ST8SIA6: variants seen among roughly 807,000 people sequenced by gnomAD.
The protein encoded by ST8SIA6 is ST8 alpha-N-acetyl-neuraminide alpha-2,8-sialyltransferase 6, also known as alpha-2,8-sialyltransferase 8F.
In ST8SIA6, 39 loss-of-function variants were observed where a neutral mutation model predicts 33.6. That is an observed-to-expected ratio of 1.16 (90% CI 0.90 to 1.52). The LOEUF is 1.52. Ranked by LOEUF, ST8SIA6 falls within the 40% of genes most tolerant of loss-of-function variation. The pLI is 0.00. For synonymous variants in ST8SIA6, 172 were observed against 167.2 expected, an observed-to-expected ratio of 1.03 and a Z score of -0.22; for missense variants, 441 against 443.8, an observed-to-expected ratio of 0.99 and a Z score of 0.06.
rs1282424208 is a variant in ST8SIA6 at position 17,453,568 on chromosome 10, G to A, written c.191C>T (p.Ala64Val). 2.3e-6 allele frequency: 3 copies of A among 1,329,106 alleles called. No individual in the cohort carries two copies. The highest frequency in any genetic ancestry group is 2.9e-6 in the Non-Finnish European group (3 of 1,032,028). The allele number at this position is 1,329,106 out of a possible 1,614,324, so 82.3% of individuals were successfully genotyped here. Residue 64 changes from alanine (A) to valine (V), a missense_variant, in exon 2 of 8, where the codon GCC (alanine) becomes GTC (valine). Physicochemically the swap from Ala to Val is moderately conservative, Grantham distance 64. Coordinates refer to ENST00000377602, the MANE Select transcript of ST8SIA6 (RefSeq NM_001004470.3). Reference sequence around the variant, plus strand: ...CTGGGCGCCGCTGTACCTGTTAGTGGCGCGCGGTACCGCGGTCGCCGGGCT... The same window carrying A: ...CTGGGCGCCGCTGTACCTGTTAGTGACGCGCGGTACCGCGGTCGCCGGGCT... ...LRSPATAVPR[A>V]TNSTYLNEKS...
chr10:17,434,230 G>A (rs374827999), intron 2 of ST8SIA6, among the ~76,000 whole-genome samples: 13 of 152,120 alleles, frequency 8.5e-5, no homozygotes, highest in African/African-American at 3.1e-4. Context: ...CTGAAACTCC[G>A]GCTGACCAGG....
intron 2 of ST8SIA6, among the ~76,000 whole-genome samples, chr10:17,407,410 T>G (rs1851307323): frequency 6.6e-6 from 1 of 152,176 alleles, no homozygotes; most frequent in African/African-American, 2.4e-5. Flanking sequence ...TTAACACTGC[T>G]ATTTTCTGAC....
intron 4 of ST8SIA6, among the ~76,000 whole-genome samples, chr10:17,355,190 T>G (rs1452304534): frequency 1.3e-5 from 2 of 152,194 alleles, no homozygotes; most frequent in Non-Finnish European, 2.9e-5. Flanking sequence ...ATTTATATTT[T>G]CCCCAGACCA....
At chr10:17,360,557 T>A (rs567035797) in intron 3 of ST8SIA6, among the ~76,000 whole-genome samples, 24 of 140,062 alleles carry the variant, frequency 1.7e-4, no homozygotes, top group African/African-American at 5.4e-4. Flanking sequence ...TAGACATAAA[T>A]GCATGAACTA....
chr10:17,321,269 G>A lies in ST8SIA6; in HGVS notation c.806C>T (p.Pro269Leu). The change falls in exon 8 of 8, where the codon CCA (proline) becomes CTA (leucine). Residue 269 changes from proline to leucine, a missense_variant. Pro to Leu is a moderately conservative substitution (Grantham distance 98). Coordinates refer to ENST00000377602, the MANE Select transcript of ST8SIA6 (RefSeq NM_001004470.3). ...ATYGDAFFLL[P>L]AFSFRANTGT... ...CGTGTTGGCCCTGAAGGAAAATGCT[G>A]GCAGAAGAAAAAATGCATCTCCATA... 4 of 1,613,626 alleles carry A rather than the reference G, an allele frequency of 2.5e-6. No individual in the cohort carries two copies. Among genetic ancestry groups the A allele is most frequent in the East Asian group, 2.2e-5 (1 of 44,864 alleles).
chr10:17,327,274 T>C (rs1338066812), intron 5 of ST8SIA6, 148 bp from the exon 6 acceptor site: 2 of 560,166 alleles, frequency 3.6e-6, no homozygotes, highest in Non-Finnish European at 3.0e-6. Flanking sequence ...GCTAATCAAC[T>C]TACTATGACT....
At chr10:17,431,958 C>T (rs1419805112) in intron 2 of ST8SIA6, among the ~76,000 whole-genome samples, 1 of 151,914 alleles carries the variant, frequency 6.6e-6, no homozygotes. Flanking sequence ...AAAGAGGAAG[C>T]GGAAAGTAGG....
At chr10:17,387,001 T>G (rs1850388067) in intron 3 of ST8SIA6, 1 of 152,280 alleles carries the variant, frequency 6.6e-6, no homozygotes, top group African/African-American at 2.4e-5. Flanking sequence ...TTCACCTCCC[T>G]CTTTCTGATC....
At chr10:17,400,349 T>C (rs1360554820) in intron 2 of ST8SIA6, among the ~76,000 whole-genome samples, 1 of 152,162 alleles carries the variant, frequency 6.6e-6, no homozygotes, top group Non-Finnish European at 1.5e-5. Context: ...CTGGTTAACA[T>C]GGTGAAACCC....
rs1564404798 is a variant in ST8SIA6, at chr10:17,333,688, TATATATATATATATATATATA to T, written c.378-2157_378-2137del. 5.5e-3 allele frequency among the ~76,000 whole-genome samples: 118 copies of T among 21,316 alleles called. 5 individuals are homozygous for T. Among genetic ancestry groups the T allele is most frequent in the African/African-American group, 0.015 (102 of 6,932 alleles). The allele number at this position is 21,316 out of a possible 152,430, so 14.0% of individuals were successfully genotyped here. Reference sequence around the variant, plus strand: ...TGGTGCTGGGATATATATATATATATATATATATATATATATATATATATATATATTTTTTTTTTTTTTTTT... The same window carrying T: ...TGGTGCTGGGATATATATATATATATTATATATATTTTTTTTTTTTTTTTT... On this transcript the variant is annotated intron_variant, in intron 4 of 7. Coordinates refer to ENST00000377602, the MANE Select transcript of ST8SIA6 (RefSeq NM_001004470.3).
chr10:17,356,283 C>T (rs2131613743), intron 4 of ST8SIA6, among the ~76,000 whole-genome samples: 1 of 151,912 alleles, frequency 6.6e-6, no homozygotes, highest in South Asian at 2.1e-4. Flanking sequence ...GAAATATGCC[C>T]ATAAAAAGAA....
intron 4 of ST8SIA6, among the ~76,000 whole-genome samples, chr10:17,350,545 A>T (rs925854432): frequency 5.3e-5 from 8 of 152,114 alleles, no homozygotes; most frequent in Admixed American, 3.9e-4. Context: ...CAAAACAAAA[A>T]TGATCTAAGA....
chr10:17,365,786 A>G (rs942785136), intron 3 of ST8SIA6, among the ~76,000 whole-genome samples: 2 of 152,202 alleles, frequency 1.3e-5, no homozygotes, highest in African/African-American at 4.8e-5. Context: ...GGAGATACTG[A>G]TTTACTAGTC....
At chr10:17,389,242 C>T (rs556782512) in intron 3 of ST8SIA6, among the ~76,000 whole-genome samples, 6 of 152,158 alleles carry the variant, frequency 3.9e-5, no homozygotes, top group African/African-American at 1.2e-4. Flanking sequence ...AATAAAACTC[C>T]GGTCTCCCAC....
intron 4 of ST8SIA6, among the ~76,000 whole-genome samples, chr10:17,341,868 TC>T (rs1245597130): frequency 8.4e-6 from 1 of 119,094 alleles, no homozygotes; most frequent in Non-Finnish European, 1.6e-5. Context: ...ACTACTGCAC[TC>T]CAGCCTGGGC....
chr10:17,337,115 C>G (rs1360475673), intron 4 of ST8SIA6, among the ~76,000 whole-genome samples: 2 of 151,470 alleles, frequency 1.3e-5, no homozygotes, highest in African/African-American at 4.9e-5. Context: ...CTCACGAGAT[C>G]TGGTTGTTTT....
At chr10:17,335,941 T>C (rs1438702367) in intron 4 of ST8SIA6, among the ~76,000 whole-genome samples, 1 of 148,680 alleles carries the variant, frequency 6.7e-6, no homozygotes, top group Non-Finnish European at 1.5e-5. Context: ...TTTTAAAACA[T>C]TAATAGAGTT....
At chr10:17,345,556 G>A (rs1330004543) in intron 4 of ST8SIA6, among the ~76,000 whole-genome samples, 1 of 148,044 alleles carries the variant, frequency 6.8e-6, no homozygotes, top group Non-Finnish European at 1.5e-5. Flanking sequence ...AGGAGGGAAT[G>A]TGAAAGCCTG....
intron 2 of ST8SIA6, among the ~76,000 whole-genome samples, chr10:17,440,199 T>C (rs1041474030): frequency 4.1e-5 from 6 of 146,290 alleles, no homozygotes; most frequent in Admixed American, 2.7e-4. Context: ...CAATAGTTTC[T>C]CAAATGTATT....
Sources: gnomAD v4.1 joint callset for allele counts (sites outside exome capture counted in the v4.1 genomes callset) on GRCh38, gnomAD v4.1.1 for gene constraint, MANE v1.5 for transcripts, NCBI Gene and HGNC (gene_info 2026-07-23, HGNC 2026-07-21) for gene names.